Variants in SLC5A3 observed in about 807,000 individuals in gnomAD.
The protein encoded by SLC5A3 is solute carrier family 5 member 3, also known as sodium/myo-inositol cotransporter.
In SLC5A3, 10 loss-of-function variants were observed where a neutral mutation model predicts 43.2. The observed-to-expected ratio is 0.23, with a 90% CI of 0.14 to 0.39. The LOEUF is 0.39. SLC5A3 is among the 10% of genes least tolerant of loss of function. The probability of loss-of-function intolerance (pLI) is 1.00; values close to 1 mark genes in which losing one functional copy is unlikely to be tolerated. For missense variants in SLC5A3, 608 were observed against 893.4 expected (o/e 0.68, Z 4.07); for synonymous variants, 349 against 322.0 (o/e 1.08, Z -0.90).
rs1979391940 is a variant in SLC5A3, at chr21:34,104,516, G to A, written c.*7161G>A. On this transcript the variant is annotated 3_prime_UTR_variant, in exon 2 of 2. Coordinates refer to ENST00000381151, the MANE Select transcript of SLC5A3 (RefSeq NM_006933.7). ...ACTCTTTTATATAATTATCCTTTTAGGGAAAGACTTGGTCAACTCTAATAT... is the reference window on the plus strand; with the variant it reads ...ACTCTTTTATATAATTATCCTTTTAAGGAAAGACTTGGTCAACTCTAATAT... 9.0e-6 allele frequency: 9 copies of A among 998,240 alleles called. No individual in the cohort carries two copies. Among genetic ancestry groups the A allele is most frequent in the Non-Finnish European group, 1.1e-5 (9 of 828,256 alleles). The allele number at this position is 998,240 out of a possible 1,614,324, so 61.8% of individuals were successfully genotyped here.
intron 1 of SLC5A3, among the ~76,000 whole-genome samples, chr21:34,090,321 A>T (rs1484409690): frequency 1.3e-5 from 2 of 152,228 alleles, no homozygotes; most frequent in African/African-American, 4.8e-5. Context: ...CTCTGCATCA[A>T]GCGTTAGTAG....
Position 34,096,890 on chromosome 21 carries a change from A to T in SLC5A3, c.1692A>T (p.Pro564=), listed in dbSNP as rs199799705. The T allele has an allele frequency of 6.2e-7, 1 of 1,614,176 alleles. No homozygotes were observed. Residue 564 remains proline (P), a synonymous_variant, in exon 2 of 2, where the codon CCA becomes CCT. Transcript: ENST00000381151. This position sits in a 1 kb window ranked among gnomAD's most constrained non-coding sequence, Gnocchi z 5.9. The part of the protein sequence containing the change: ...VKENCSPKEE[P]YKMQEKSILR... ...AGAACTGCTCCCCAAAAGAGGAACCATACAAAATGCAAGAAAAGAGCATTC... is the reference window on the plus strand; with the variant it reads ...AGAACTGCTCCCCAAAAGAGGAACCTTACAAAATGCAAGAAAAGAGCATTC...
At chr21:34,083,961 A>G (rs1023154925) in intron 1 of SLC5A3, among the ~76,000 whole-genome samples, 10 of 152,304 alleles carry the variant, frequency 6.6e-5, no homozygotes, top group South Asian at 4.1e-4. Flanking sequence ...GGATTTTTCT[A>G]TCCCTCTACT....
At position 34,104,714 on chromosome 21, in the gene SLC5A3, A is replaced by T. The variant is rs3180668; in HGVS notation, c.*7359A>T. The T allele has an allele frequency of 1.0e-6, 1 of 1,000,216 alleles. No individual in the cohort carries two copies. Among genetic ancestry groups the T allele is most frequent in the African/African-American group, 1.7e-5 (1 of 57,236 alleles). The allele number at this position is 1,000,216 out of a possible 1,614,324, so 62.0% of individuals were successfully genotyped here. A position where few individuals can be genotyped will look rare whatever the true frequency, so the allele number is the denominator to read the frequency against. ...GGCCTGGGGGGATGAGGGGAAGAAG[A>T]TTACCAGAAGTGCAGGAAAGAGAAG... On this transcript the variant is annotated 3_prime_UTR_variant, in exon 2 of 2. Transcript: ENST00000381151.
chr21:34,076,357 G>C (rs1989330786), intron 1 of SLC5A3, among the ~76,000 whole-genome samples: 1 of 152,126 alleles, frequency 6.6e-6, no homozygotes, highest in African/African-American at 2.4e-5. Context: ...GCCCTGTGTT[G>C]GCTGTCACAG....
rs1979322390 is a variant in SLC5A3, at chr21:34,103,153, A to G, written c.*5798A>G. 2 of 999,694 alleles carry G rather than the reference A, an allele frequency of 2.0e-6. No homozygotes were observed. 61.9% of individuals were successfully genotyped at this position (999,694 alleles called of 1,614,324 possible). Reference sequence around the variant, plus strand: ...AAATCCCAAACTGGCAAAGGCCAGTATATATGGTATTCCATAATATAACCA... The same window carrying G: ...AAATCCCAAACTGGCAAAGGCCAGTGTATATGGTATTCCATAATATAACCA... On this transcript the variant is annotated 3_prime_UTR_variant, in exon 2 of 2. Coordinates refer to ENST00000381151, the MANE Select transcript of SLC5A3 (RefSeq NM_006933.7).
At chr21:34,074,725 G>C (rs11910860) in intron 1 of SLC5A3, among the ~76,000 whole-genome samples, 8,261 of 152,254 alleles carry the variant, frequency 0.054, 741 homozygotes, top group African/African-American at 0.19. Context: ...TACCACGTCC[G>C]AACTTTGTAA....
Position 34,102,242 on chromosome 21 carries a change from T to C in SLC5A3, c.*4887T>C. ...AGTAATTAACTGGCTTTGCCAGTGGTGAGTCCCACACCATTATTCACTTAG... is the reference window on the plus strand; with the variant it reads ...AGTAATTAACTGGCTTTGCCAGTGGCGAGTCCCACACCATTATTCACTTAG... On this transcript the variant is annotated 3_prime_UTR_variant, in exon 2 of 2. Coordinates refer to ENST00000381151, the MANE Select transcript of SLC5A3 (RefSeq NM_006933.7). The C allele has an allele frequency of 2.0e-6, 2 of 999,898 alleles. No individual in the cohort carries two copies. The highest frequency in any genetic ancestry group is 2.4e-6 in the Non-Finnish European group (2 of 829,788). The allele number at this position is 999,898 out of a possible 1,614,324, so 61.9% of individuals were successfully genotyped here. A position where few individuals can be genotyped will look rare whatever the true frequency, so the allele number is the denominator to read the frequency against.
Position 34,089,978 on chromosome 21 carries a change from A to G in SLC5A3, c.-336-4885A>G, listed in dbSNP as rs114417639. Among the ~76,000 whole-genome samples the G allele has an allele frequency of 5.3e-3, 809 of 152,290 alleles. 8 individuals carry two copies. The highest frequency in any genetic ancestry group is 0.017 in the African/African-American group (704 of 41,544). On this transcript the variant is annotated intron_variant, in intron 1 of 1. Transcript: ENST00000381151. ...CCAGAAGTGTTTTGGATTGTGGGAT[A>G]TTGCATATTACTTGGTGGCTGAGCA...
At chr21:34,084,802 T>C (rs974304177) in intron 1 of SLC5A3, among the ~76,000 whole-genome samples, 3 of 152,228 alleles carry the variant, frequency 2.0e-5, no homozygotes, top group Admixed American at 1.3e-4. Context: ...TCTTAAAATT[T>C]TTTTCATTAA....
chr21:34,084,598 A>G (rs1989530469), intron 1 of SLC5A3, among the ~76,000 whole-genome samples: 1 of 152,214 alleles, frequency 6.6e-6, no homozygotes, highest in African/African-American at 2.4e-5. Context: ...ACACATATGT[A>G]CAATTCTCTT....
At chr21:34,092,774 C>G (rs543336126) in intron 1 of SLC5A3, among the ~76,000 whole-genome samples, 1 of 152,162 alleles carries the variant, frequency 6.6e-6, no homozygotes, top group East Asian at 1.9e-4. Context: ...TCCCCCCCAA[C>G]GGCCAGATGA....
rs1158416113 is a variant in SLC5A3, at chr21:34,099,401, T to C, written c.*2046T>C. The C allele has an allele frequency of 1.0e-6, 1 of 999,986 alleles. No individual in the cohort carries two copies. The highest frequency in any genetic ancestry group is 1.7e-5 in the African/African-American group (1 of 57,220). The allele number at this position is 999,986 out of a possible 1,614,324, so 61.9% of individuals were successfully genotyped here. ...GTTGTCAATGTTTTGTCCTGTTTTT[T>C]CAAAGGAACTGTTCTTCCTTTGGGA... is the stretch of plus-strand genomic sequence containing the variant. On this transcript the variant is annotated 3_prime_UTR_variant, in exon 2 of 2. Transcript: ENST00000381151.
Position 34,101,655 on chromosome 21 carries a change from C to A in SLC5A3, c.*4300C>A. 2.0e-6 allele frequency: 2 copies of A among 1,000,078 alleles called. No individual in the cohort carries two copies. Among genetic ancestry groups the A allele is most frequent in the African/African-American group, 3.5e-5 (2 of 57,320 alleles). The allele number at this position is 1,000,078 out of a possible 1,614,324, so 62.0% of individuals were successfully genotyped here. A position where few individuals can be genotyped will look rare whatever the true frequency, so the allele number is the denominator to read the frequency against. On this transcript the variant is annotated 3_prime_UTR_variant, in exon 2 of 2. Coordinates refer to ENST00000381151, the MANE Select transcript of SLC5A3 (RefSeq NM_006933.7). The stretch of plus-strand genomic sequence containing the variant: ...TTTTGATTTTTTTGTCAGCTTAGTT[C>A]ACTTTAAGGCATATTGGCATGGTGT...
chr21:34,092,776 G>A (rs1252103372), intron 1 of SLC5A3, among the ~76,000 whole-genome samples: 3 of 151,962 alleles, frequency 2.0e-5, no homozygotes, highest in Non-Finnish European at 4.4e-5. Flanking sequence ...CCCCCCAACG[G>A]CCAGATGAAA....
Position 34,073,700 on chromosome 21 carries a change from C to A in SLC5A3, c.-382C>A, listed in dbSNP as rs754374665. 1.3e-6 allele frequency: 2 copies of A among 1,521,620 alleles called. No individual in the cohort carries two copies. The highest frequency in any genetic ancestry group is 2.3e-5 in the South Asian group (2 of 86,988). The allele number at this position is 1,521,620 out of a possible 1,614,324, so 94.3% of individuals were successfully genotyped here. A position where few individuals can be genotyped will look rare whatever the true frequency, so the allele number is the denominator to read the frequency against. Reference sequence around the variant, plus strand: ...GAGCCGCACTCGCCGATCCTCCAGGCATGCCCCGCTACGAGCTGGCTTTAA... The same window carrying A: ...GAGCCGCACTCGCCGATCCTCCAGGAATGCCCCGCTACGAGCTGGCTTTAA... On this transcript the variant is annotated 5_prime_UTR_variant, in exon 1 of 2. Transcript: ENST00000381151.
At chr21:34,085,524 T>G (rs1978330568) in intron 1 of SLC5A3, among the ~76,000 whole-genome samples, 1 of 152,188 alleles carries the variant, frequency 6.6e-6, no homozygotes, top group Non-Finnish European at 1.5e-5. Flanking sequence ...ACTGAATCAG[T>G]TATTGCAGGA....
Position 34,095,145 on chromosome 21 carries a change from A to G in SLC5A3, c.-54A>G. The G allele has an allele frequency of 6.6e-7, 1 of 1,525,618 alleles. No individual in the cohort carries two copies. Among genetic ancestry groups the G allele is most frequent in the Non-Finnish European group, 8.8e-7 (1 of 1,142,596 alleles). 94.5% of individuals were successfully genotyped at this position (1,525,618 alleles called of 1,614,324 possible). A position where few individuals can be genotyped will look rare whatever the true frequency, so the allele number is the denominator to read the frequency against. ...ACTTGGCTGGGGTTACTAAAAATAAATAAAAAGTTGGACACTTCTGTCATT... is the reference window on the plus strand; with the variant it reads ...ACTTGGCTGGGGTTACTAAAAATAAGTAAAAAGTTGGACACTTCTGTCATT... On this transcript the variant is annotated 5_prime_UTR_variant, in exon 2 of 2. Coordinates refer to ENST00000381151, the MANE Select transcript of SLC5A3 (RefSeq NM_006933.7).
chr21:34,087,248 A>C (rs1261713934), intron 1 of SLC5A3, among the ~76,000 whole-genome samples: 1 of 94,888 alleles, frequency 1.1e-5, no homozygotes, highest in Admixed American at 1.2e-4. Context: ...CTGGTGGAGG[A>C]GGGAGGAGGC....
Sources: allele counts gnomAD v4.1 joint callset (sites outside exome capture counted in the v4.1 genomes callset), GRCh38; gene constraint gnomAD v4.1.1; non-coding constraint Gnocchi (gnomAD v3.1); transcripts MANE v1.5; gene names NCBI Gene and HGNC (gene_info 2026-07-23, HGNC 2026-07-21).